The following PCDH15 variants were observed in gnomAD, a reference collection of about 807,000 sequenced individuals.
The protein encoded by PCDH15 is protocadherin related 15.
PCDH15 carries 129 observed loss-of-function variants against 178.5 expected under a neutral mutation model. The ratio of observed to expected loss-of-function variants is 0.72; its 90% CI spans 0.63 to 0.84. The LOEUF (loss-of-function observed/expected upper bound fraction) is 0.84. PCDH15 is among the 40% of genes least tolerant of loss of function. The pLI is 0.00. For synonymous variants in PCDH15, 800 were observed against 732.0 expected (o/e 1.09, Z -1.50); for missense variants, 2,230 against 2,099.9 (o/e 1.06, Z -1.21).
At chr10:53,887,195 C>A (rs1457987685) in intron 26 of PCDH15, among the ~76,000 whole-genome samples, 1 of 152,146 alleles carries the variant, frequency 6.6e-6, no homozygotes, top group Non-Finnish European at 1.5e-5. Flanking sequence ...TCAGCTACTA[C>A]CACCTGTAAT....
At chr10:54,467,541 A>G (rs1382812202) in intron 3 of PCDH15, among the ~76,000 whole-genome samples, 1 of 139,590 alleles carries the variant, frequency 7.2e-6, no homozygotes, top group Non-Finnish European at 1.6e-5. Flanking sequence ...GTTTGTTTCA[A>G]TTTGATAGTA....
intron 2 of PCDH15, among the ~76,000 whole-genome samples, chr10:54,947,726 T>C (rs1049666543): frequency 3.3e-5 from 5 of 151,974 alleles, no homozygotes; most frequent in African/African-American, 9.7e-5. Context: ...ATTCACTATC[T>C]TGAATGGCAT....
intron 2 of PCDH15, among the ~76,000 whole-genome samples, chr10:54,627,385 T>A (rs563641060): frequency 6.6e-6 from 1 of 152,118 alleles, no homozygotes; most frequent in African/African-American, 2.4e-5. Context: ...GATTGAATCA[T>A]GGGGGCAGAT....
At chr10:54,759,606 G>T (rs1216717621) in intron 1 of PCDH15, among the ~76,000 whole-genome samples, 1 of 152,044 alleles carries the variant, frequency 6.6e-6, no homozygotes, top group Admixed American at 6.6e-5. Context: ...GCAGAATTGG[G>T]GCATTATTTG....
chr10:55,295,991 C>T lies in PCDH15; in HGVS notation c.-156+23608G>A, dbSNP rs1048534713. Among the ~76,000 whole-genome samples the T allele has an allele frequency of 2.0e-5, 3 of 152,128 alleles. No individual in the cohort carries two copies. In the South Asian group the frequency reaches 6.2e-4, roughly 32 times the overall value. ...TAACCACCTGTAAATTAGGGGTTCCCACAACCCTCTTCTTAGATCTTATAC... is the reference window on the plus strand; with the variant it reads ...TAACCACCTGTAAATTAGGGGTTCCTACAACCCTCTTCTTAGATCTTATAC... On this transcript the variant is annotated intron_variant, in intron 1 of 5. Coordinates refer to the PCDH15 transcript ENST00000458638.
intron 1 of PCDH15, among the ~76,000 whole-genome samples, chr10:55,169,786 C>T (rs1254366718): frequency 6.6e-6 from 1 of 152,118 alleles, no homozygotes; most frequent in Non-Finnish European, 1.5e-5. Context: ...AACAAATATG[C>T]ACCTAGGTGT....
At chr10:54,635,161 C>CAA (rs2093814444) in intron 2 of PCDH15, among the ~76,000 whole-genome samples, 1 of 69,774 alleles carries the variant, frequency 1.4e-5, no homozygotes, top group Non-Finnish European at 3.9e-5. Flanking sequence ...AAATAGTCTC[C>CAA]TATAAATAAA....
intron 29 of PCDH15, among the ~76,000 whole-genome samples, chr10:53,834,111 G>A (rs556122962): frequency 3.3e-5 from 5 of 152,218 alleles, no homozygotes; most frequent in African/African-American, 1.2e-4. Flanking sequence ...ACTGAAGAAA[G>A]CAAAACCACA....
chr10:54,606,002 T>C (rs1264039146), intron 2 of PCDH15: 4 of 152,150 alleles, frequency 2.6e-5, no homozygotes, highest in Non-Finnish European at 4.4e-5. Flanking sequence ...AATATCCACA[T>C]GCCTGTTTAA....
intron 2 of PCDH15, among the ~76,000 whole-genome samples, chr10:55,144,110 T>C (rs1838429968): frequency 6.6e-6 from 1 of 152,098 alleles, no homozygotes; most frequent in Non-Finnish European, 1.5e-5. Flanking sequence ...TGTTGCTATG[T>C]ATAAAAATGT....
intron 8 of PCDH15, among the ~76,000 whole-genome samples, chr10:54,289,757 C>T (rs2059273720): frequency 1.3e-5 from 2 of 152,216 alleles, no homozygotes; most frequent in South Asian, 2.1e-4. Flanking sequence ...CATACACAAG[C>T]TTCAATGGCC....
chr10:53,888,300 A>ATATATATACATATATATATATACG (rs2081258306), intron 26 of PCDH15, among the ~76,000 whole-genome samples: 3 of 82,018 alleles, frequency 3.7e-5, no homozygotes, highest in African/African-American at 1.5e-4. Flanking sequence ...ACATATATAT[A>ATATATATACATATATATATATACG]TATATATATG....
intron 21 of PCDH15, among the ~76,000 whole-genome samples, chr10:53,978,140 C>T (rs555159555): frequency 6.7e-4 from 102 of 152,272 alleles, no homozygotes; most frequent in Admixed American, 2.0e-4. Context: ...AGGCAGTGCA[C>T]CAGTGGGGAC....
At chr10:55,404,136 T>C (rs779247976) in intron 2 of PCDH15, among the ~76,000 whole-genome samples, 2 of 152,038 alleles carry the variant, frequency 1.3e-5, no homozygotes, top group Non-Finnish European at 2.9e-5. Flanking sequence ...CCCCCCACAT[T>C]TTCCTCTTGG....
At chr10:55,279,571 G>A (rs1462200617) in intron 1 of PCDH15, among the ~76,000 whole-genome samples, 1 of 152,040 alleles carries the variant, frequency 6.6e-6, no homozygotes, top group Non-Finnish European at 1.5e-5. Context: ...CTGTTTCATT[G>A]CCATCTTGAA....
At chr10:54,828,306 C>T (rs1329645072) in intron 3 of PCDH15, among the ~76,000 whole-genome samples, 4 of 151,856 alleles carry the variant, frequency 2.6e-5, no homozygotes, top group African/African-American at 9.7e-5. Flanking sequence ...TCTCTGGGTA[C>T]TAAAAGGAAA....
intron 3 of PCDH15, among the ~76,000 whole-genome samples, chr10:54,517,121 G>C (rs2082314054): frequency 2.0e-5 from 3 of 152,178 alleles, no homozygotes; most frequent in Admixed American, 2.0e-4. Context: ...AAATTGTAAA[G>C]ACGATCAAGG....
chr10:55,023,994 T>C (rs1840406319), intron 2 of PCDH15, among the ~76,000 whole-genome samples: 1 of 148,790 alleles, frequency 6.7e-6, no homozygotes, highest in African/African-American at 2.5e-5. Flanking sequence ...TATATCTGTC[T>C]CTCATATATA....
intron 2 of PCDH15, chr10:55,513,256 G>A (rs778642586): frequency 1.3e-5 from 2 of 152,198 alleles, no homozygotes; most frequent in East Asian, 3.9e-4. Flanking sequence ...TAGTTACCTA[G>A]GTGTATGTAG....
Sources: allele counts gnomAD v4.1 joint callset (sites outside exome capture counted in the v4.1 genomes callset), GRCh38; gene constraint gnomAD v4.1.1; transcripts MANE v1.5; gene names NCBI Gene and HGNC (gene_info 2026-07-23, HGNC 2026-07-21).